Variants in TRIM49C observed in about 807,000 individuals in gnomAD.
The protein encoded by TRIM49C is tripartite motif containing 49C, also known as tripartite motif-containing protein 49C.
In TRIM49C, 6 loss-of-function variants were observed where a neutral mutation model predicts 21.4. That is an observed-to-expected ratio of 0.28 (90% CI 0.15 to 0.55). The LOEUF is 0.55. Ranked by LOEUF, TRIM49C falls within the 20% of genes least tolerant of loss-of-function variation. The probability of loss-of-function intolerance (pLI) is 0.94; values close to 1 mark genes in which losing one functional copy is unlikely to be tolerated. For missense variants in TRIM49C, 161 were observed against 442.4 expected (o/e 0.36, Z 5.71); for synonymous variants, 57 against 148.1 (o/e 0.38, Z 4.47).
At chr11:90,070,925 C>T in the TRIM49C span, among the ~76,000 whole-genome samples, 3 of 140,000 alleles carry the variant, frequency 2.1e-5, 1 homozygote, top group Non-Finnish European at 4.7e-5. Context: ...TCCCTAGTAG[C>T]TGGGACTAAA....
At chr11:90,036,570 C>T (rs1331253886) in intron 4 of TRIM49C, among the ~76,000 whole-genome samples, 1 of 131,350 alleles carries the variant, frequency 7.6e-6, no homozygotes, top group African/African-American at 2.7e-5. Flanking sequence ...AATATGGGAA[C>T]TAGTATCTAA....
At chr11:90,055,022 T>C in the TRIM49C span, among the ~76,000 whole-genome samples, 2 of 149,298 alleles carry the variant, frequency 1.3e-5, no homozygotes, top group African/African-American at 4.9e-5. Context: ...TCACAAACCA[T>C]AGGAGAAAAT....
intron 1 of TRIM49C, among the ~76,000 whole-genome samples, 160 bp from the exon 2 acceptor site, chr11:90,032,237 T>G (rs1441868946): frequency 7.5e-6 from 1 of 133,416 alleles, no homozygotes; most frequent in Non-Finnish European, 1.6e-5. Flanking sequence ...TTATGTTACA[T>G]GTGATTCATT....
chr11:90,066,135 C>G, the TRIM49C span, among the ~76,000 whole-genome samples: 1 of 136,834 alleles, frequency 7.3e-6, no homozygotes, highest in African/African-American at 2.6e-5. Flanking sequence ...ATTCTCCTGC[C>G]CCAGCCTCCC....
chr11:90,038,943 G>A (rs1242934695), intron 6 of TRIM49C, among the ~76,000 whole-genome samples: 6 of 135,780 alleles, frequency 4.4e-5, no homozygotes, highest in Admixed American at 4.2e-4. Flanking sequence ...TTTTTGAGAC[G>A]CTGTCTGGCT....
chr11:90,054,587 C>G, the TRIM49C span, among the ~76,000 whole-genome samples: 1 of 133,748 alleles, frequency 7.5e-6, no homozygotes. Context: ...TGATAAATAA[C>G]TTCTTTTAGG....
At chr11:90,046,507 G>A (rs1449650583), downstream of TRIM49C, among the ~76,000 whole-genome samples, 78 of 123,092 alleles carry the variant, frequency 6.3e-4, 16 homozygotes, top group African/African-American at 2.4e-3. Context: ...TTTAGTCTTG[G>A]GAGAGTGTAT....
the TRIM49C span, chr11:90,071,589 G>A: frequency 1.8e-6 from 1 of 547,086 alleles, no homozygotes; most frequent in South Asian, 1.7e-5. Flanking sequence ...GGATTGTGGA[G>A]GTACATTACA....
At position 90,035,364 on chromosome 11, in the gene TRIM49C, G is replaced by A. The variant is rs1424538338; in HGVS notation, c.153G>A (p.Gln51=). The A allele has an allele frequency of 1.3e-6, 2 of 1,496,176 alleles. No individual in the cohort carries two copies. Among genetic ancestry groups the A allele is most frequent in the Non-Finnish European group, 1.8e-6 (2 of 1,109,096 alleles). 92.7% of individuals were successfully genotyped at this position (1,496,176 alleles called of 1,614,324 possible). A position where few individuals can be genotyped will look rare whatever the true frequency, so the allele number is the denominator to read the frequency against. ...GGCAAGACATCCCATTTCTTGTCCA[G>A]TGCTCTGAATGCACAAAGTCAACAG... ...LNWQDIPFLV[Q]CSECTKSTEQ... Residue 51 remains glutamine, a synonymous_variant, in exon 3 of 8, where the codon CAG becomes CAA. Transcript: ENST00000448984.
At chr11:90,059,928 C>A in the TRIM49C span, among the ~76,000 whole-genome samples, 1 of 142,870 alleles carries the variant, frequency 7.0e-6, no homozygotes. Flanking sequence ...TTTAACCTCC[C>A]ACCCCTCTAG....
At chr11:90,042,689 G>A (rs1950778701), downstream of TRIM49C, among the ~76,000 whole-genome samples, 2 of 114,872 alleles carry the variant, frequency 1.7e-5, 1 homozygote, top group Non-Finnish European at 3.5e-5. Context: ...CTGGAGAGAT[G>A]TAAATGGAAA....
At chr11:90,039,028 C>T (rs1299689102) in intron 6 of TRIM49C, among the ~76,000 whole-genome samples, 6 of 136,982 alleles carry the variant, frequency 4.4e-5, no homozygotes, top group Non-Finnish European at 6.3e-5. Flanking sequence ...CACACCATTC[C>T]CCTGCCTCAG....
chr11:90,066,955 G>A, the TRIM49C span, among the ~76,000 whole-genome samples: 28 of 137,226 alleles, frequency 2.0e-4, 4 homozygotes, highest in South Asian at 5.7e-3. Context: ...TTTAGTAGAG[G>A]TAAGGTTTCA....
At chr11:90,073,177 T>C in the TRIM49C span, 6 of 913,054 alleles carry the variant, frequency 6.6e-6, 1 homozygote, top group Non-Finnish European at 1.0e-5. Context: ...TTCTTTTATG[T>C]GTGAAGGTGG....
intron 1 of TRIM49C, among the ~76,000 whole-genome samples, chr11:90,031,702 A>G (rs1409052035): frequency 6.6e-6 from 1 of 151,178 alleles, no homozygotes; most frequent in Non-Finnish European, 1.5e-5. Flanking sequence ...TTGTAAATTC[A>G]ATGAGAGACC....
chr11:90,056,130 T>G, the TRIM49C span, among the ~76,000 whole-genome samples: 1 of 135,064 alleles, frequency 7.4e-6, no homozygotes, highest in South Asian at 2.5e-4. Context: ...GGCTAATTTT[T>G]TTTGTATTTT....
chr11:90,066,768 T>A, the TRIM49C span, among the ~76,000 whole-genome samples: 4 of 132,930 alleles, frequency 3.0e-5, no homozygotes, highest in Non-Finnish European at 4.8e-5. Flanking sequence ...TAATAATAAT[T>A]ATTATTACTT....
chr11:90,067,498 TAA>T, the TRIM49C span, among the ~76,000 whole-genome samples: 196 of 148,070 alleles, frequency 1.3e-3, 11 homozygotes, highest in African/African-American at 4.7e-3. Flanking sequence ...CACAGAAAGA[TAA>T]AGTCTTTGAA....
chr11:90,066,055 C>G, the TRIM49C span, among the ~76,000 whole-genome samples: 14 of 138,918 alleles, frequency 1.0e-4, no homozygotes, highest in African/African-American at 3.6e-4. Context: ...GTATCTTGCT[C>G]TGTCGCCCAG....
Sources: allele counts gnomAD v4.1 joint callset (sites outside exome capture counted in the v4.1 genomes callset), GRCh38; gene constraint gnomAD v4.1.1; transcripts MANE v1.5; gene names NCBI Gene and HGNC (gene_info 2026-07-23, HGNC 2026-07-21).